The following IKZF1 variants were observed in gnomAD, a reference collection of about 807,000 sequenced individuals.
IKZF1 encodes IKAROS family zinc finger 1, also known as DNA-binding protein Ikaros.
Under a neutral mutation model 51.7 loss-of-function variants are expected in IKZF1, and 10 were observed. That is an observed-to-expected ratio of 0.19 (90% CI 0.12 to 0.33). IKZF1 has a LOEUF of 0.33. Among genes scored for constraint, IKZF1 ranks in the 10% least tolerant of loss-of-function variants. The pLI is 1.00. For synonymous variants in IKZF1, 280 were observed against 282.3 expected (o/e 0.99, Z 0.08); for missense variants, 484 against 707.5 (o/e 0.68, Z 3.58).
chr7:50,372,660 A>T (rs779789431), intron 3 of IKZF1, among the ~76,000 whole-genome samples: 3 of 152,124 alleles, frequency 2.0e-5, no homozygotes, highest in Non-Finnish European at 4.4e-5. Flanking sequence ...TTCAAACTCT[A>T]TATATTCCTG....
intron 3 of IKZF1, among the ~76,000 whole-genome samples, chr7:50,351,969 G>A (rs138787064): frequency 5.3e-5 from 8 of 152,308 alleles, no homozygotes; most frequent in Non-Finnish European, 1.0e-4. Context: ...GCATTACAGG[G>A]AGTTAATTTG....
rs903726203 is a variant in IKZF1 at position 50,357,764 on chromosome 7, C to T, written c.161-18769C>T. Reference sequence around the variant, plus strand: ...TTCATAAACTCATTAACAGCTAGGACGCGAAGACTTGGAGAAGTTAGCTCA... The same window carrying T: ...TTCATAAACTCATTAACAGCTAGGATGCGAAGACTTGGAGAAGTTAGCTCA... On this transcript the variant is annotated intron_variant, in intron 3 of 7. Coordinates refer to ENST00000331340, the MANE Select transcript of IKZF1 (RefSeq NM_006060.6). Among the ~76,000 whole-genome samples, 6 of 152,160 alleles carry T rather than the reference C, an allele frequency of 3.9e-5. No individual in the cohort carries two copies. The East Asian group carries it at 5.8e-4, about 15-fold the overall frequency.
At chr7:50,373,929 A>T (rs112089976) in intron 3 of IKZF1, among the ~76,000 whole-genome samples, 1,848 of 152,300 alleles carry the variant, frequency 0.012, 38 homozygotes, top group East Asian at 0.065. Flanking sequence ...GGTTAGCAGG[A>T]GGCTGCTCAG....
At chr7:50,378,155 G>A (rs944670199) in intron 4 of IKZF1, among the ~76,000 whole-genome samples, 7 of 152,066 alleles carry the variant, frequency 4.6e-5, no homozygotes, top group African/African-American at 1.7e-4. Flanking sequence ...TATTTGAATC[G>A]GGCGGTTTTC....
In IKZF1 at chr7:50,400,456, G is replaced by A. The variant is rs764219203; in HGVS notation, c.1389G>A (p.Lys463=). 1.9e-6 allele frequency: 3 copies of A among 1,614,022 alleles called. No individual in the cohort carries two copies. In the East Asian group the frequency reaches 6.7e-5, roughly 36 times the overall value. Residue 463 remains lysine, a synonymous_variant, in exon 8 of 8, where the codon AAG becomes AAA. Transcript: ENST00000331340. The surrounding 1 kb of genome is among the most constrained non-coding windows in gnomAD (Gnocchi z 5.4). Reference sequence around the variant, plus strand: ...GCGGGGAGCAGATGAAGGTGTACAAGTGCGAACACTGCCGGGTGCTCTTCC... The same window carrying A: ...GCGGGGAGCAGATGAAGGTGTACAAATGCGAACACTGCCGGGTGCTCTTCC... ...STSGEQMKVY[K]CEHCRVLFLD...
intron 3 of IKZF1, chr7:50,368,211 T>G (rs1161875611): frequency 2.8e-6 from 2 of 703,274 alleles, no homozygotes; most frequent in Non-Finnish European, 5.2e-6. Flanking sequence ...ATATCATTTT[T>G]GGGTATTTAT....
At chr7:50,350,668 A>G (rs1028354527) in intron 3 of IKZF1, among the ~76,000 whole-genome samples, 2 of 152,208 alleles carry the variant, frequency 1.3e-5, no homozygotes, top group African/African-American at 4.8e-5. Context: ...GAAATGTGTC[A>G]CTGAAGTGTG....
chr7:50,335,463 T>G, intron 3 of IKZF1, among the ~76,000 whole-genome samples: 1 of 141,976 alleles, frequency 7.0e-6, no homozygotes, highest in Non-Finnish European at 1.5e-5. Context: ...GGTGTGTATG[T>G]GTGTATGGGA....
chr7:50,337,937 C>A (rs965210576), intron 3 of IKZF1, among the ~76,000 whole-genome samples: 20 of 152,176 alleles, frequency 1.3e-4, no homozygotes, highest in African/African-American at 4.8e-4. Context: ...GCTGGAAAAG[C>A]CACCAGTTAG....
chr7:50,338,088 A>T lies in IKZF1; in HGVS notation c.160+10331A>T, dbSNP rs1798209257. On this transcript the variant is annotated intron_variant, in intron 3 of 7. Transcript: ENST00000331340. The stretch of plus-strand genomic sequence containing the variant: ...TCCAGAATCTGACATGTGAATTTTA[A>T]AAAAAAACTATAGAGAAATTGGACC... 3.9e-5 allele frequency among the ~76,000 whole-genome samples: 6 copies of T among 152,292 alleles called. No homozygotes were observed. The South Asian group carries it at 1.2e-3, about 32-fold the overall frequency.
rs180818491 is a variant in IKZF1 at position 50,329,160 on chromosome 7, G to T, written c.160+1403G>T. Among the ~76,000 whole-genome samples, 40 of 151,466 alleles carry T rather than the reference G, an allele frequency of 2.6e-4. No homozygotes were observed. In the East Asian group the frequency reaches 7.5e-3, roughly 29 times the overall value. ...AGAAACCAAGTGGACTAGGTATAAT[G>T]GTTCTTTTTTTTTTTAACTCAGCAG... On this transcript the variant is annotated intron_variant, in intron 3 of 7. Transcript: ENST00000331340.
At position 50,391,779 on chromosome 7, in the gene IKZF1, A is replaced by G. The variant is rs754643515; in HGVS notation, c.766A>G (p.Ile256Val). 7 of 1,613,920 alleles carry G rather than the reference A, an allele frequency of 4.3e-6. No homozygotes were observed. Among genetic ancestry groups the G allele is most frequent in the African/African-American group, 4.0e-5 (3 of 74,926 alleles). ...TGAAATGGCAGAAGACCTGTGCAAG[A>G]TAGGATCAGAGAGATCTCTCGTGCT... The part of the protein sequence containing the change: ...HSEMAEDLCK[I>V]GSERSLVLDR... Residue 256 changes from isoleucine (I) to valine (V), a missense_variant, in exon 7 of 8, where the codon ATA (isoleucine) becomes GTA (valine). Transcript: ENST00000331340.
In IKZF1 at chr7:50,382,682, C is replaced by T. The variant is rs1812178659; in HGVS notation, c.564C>T (p.Leu188=). Residue 188 remains leucine (L), a synonymous_variant, in exon 5 of 8, where the codon CTC becomes CTT. Coordinates refer to ENST00000331340, the MANE Select transcript of IKZF1 (RefSeq NM_006060.6). ...CNYACRRRDA[L]TGHLRTHSVG... ...ACGCCTGCCGCCGGAGGGACGCCCT[C>T]ACTGGCCACCTGAGGACGCACTCCG... 6.2e-7 allele frequency: 1 copy of T among 1,610,416 alleles called. No homozygotes were observed. Among genetic ancestry groups the T allele is most frequent in the Non-Finnish European group, 8.5e-7 (1 of 1,179,774 alleles).
At chr7:50,317,129 A>C (rs1457787464) in intron 1 of IKZF1, among the ~76,000 whole-genome samples, 3 of 152,242 alleles carry the variant, frequency 2.0e-5, no homozygotes, top group Non-Finnish European at 4.4e-5. Context: ...CCTTTAAAAA[A>C]AGTTGTAAAA....
chr7:50,382,494 C>T (rs2153477083), intron 4 of IKZF1, 46 bp from the exon 5 acceptor site: 1 of 1,578,518 alleles, frequency 6.3e-7, no homozygotes, highest in Non-Finnish European at 8.6e-7. Flanking sequence ...TCCTCATGTC[C>T]CCACGCTGAG....
chr7:50,365,261 C>G (rs1806538176), intron 3 of IKZF1, among the ~76,000 whole-genome samples: 1 of 152,162 alleles, frequency 6.6e-6, no homozygotes, highest in South Asian at 2.1e-4. Flanking sequence ...TTTTACTGAG[C>G]CCAGAAGTTT....
intron 1 of IKZF1, among the ~76,000 whole-genome samples, chr7:50,317,522 A>G (rs1562719246): frequency 6.6e-6 from 1 of 152,124 alleles, no homozygotes; most frequent in East Asian, 1.9e-4. Context: ...CATCTGGGCT[A>G]GTGTGTCTGG....
At chr7:50,369,975 A>G (rs1808182904) in intron 3 of IKZF1, among the ~76,000 whole-genome samples, 1 of 152,196 alleles carries the variant, frequency 6.6e-6, no homozygotes, top group Non-Finnish European at 1.5e-5. Flanking sequence ...AAGTTTTATA[A>G]ATCTCTTTTA....
chr7:50,387,593 G>C, intron 6 of IKZF1, 123 bp downstream of exon 6: 1 of 1,374,856 alleles, frequency 7.3e-7, no homozygotes, highest in Non-Finnish European at 9.5e-7. Context: ...GGGGCTAGGA[G>C]GGAGGGAAGT....
Sources: gnomAD v4.1 joint callset for allele counts (sites outside exome capture counted in the v4.1 genomes callset) on GRCh38, gnomAD v4.1.1 for gene constraint, Gnocchi (gnomAD v3.1) non-coding constraint, MANE v1.5 for transcripts, NCBI Gene and HGNC (gene_info 2026-07-23, HGNC 2026-07-21) for gene names.